PARD3: variants seen among roughly 807,000 people sequenced by gnomAD.
PARD3 encodes the protein partitioning defective 3 homolog.
PARD3 carries 75 observed loss-of-function variants against 155.4 expected under a neutral mutation model. That is an observed-to-expected ratio of 0.48 (90% CI 0.40 to 0.58). PARD3 has a LOEUF of 0.58. Ranked by LOEUF, PARD3 falls within the 20% of genes least tolerant of loss-of-function variation. The pLI is 0.00. For synonymous variants in PARD3, 576 were observed against 610.5 expected (o/e 0.94, Z 0.83); for missense variants, 1,642 against 1,721.7 (o/e 0.95, Z 0.82).
chr10:34,447,972 T>C (rs1310135845), intron 5 of PARD3, among the ~76,000 whole-genome samples: 3 of 152,308 alleles, frequency 2.0e-5, no homozygotes, highest in East Asian at 3.9e-4. Context: ...GATCCAGCAA[T>C]TCTGCTTCTG....
intron 2 of PARD3, among the ~76,000 whole-genome samples, chr10:34,685,386 C>T (rs951336711): frequency 2.0e-5 from 3 of 152,128 alleles, no homozygotes; most frequent in African/African-American, 7.2e-5. Context: ...ATCCACTTCA[C>T]CTGAAGGAAG....
chr10:34,167,666 A>C (rs183153300), intron 22 of PARD3, among the ~76,000 whole-genome samples: 3 of 152,306 alleles, frequency 2.0e-5, no homozygotes, highest in Admixed American at 6.5e-5. Context: ...GAACCGAATA[A>C]AATAGAAAAA....
intron 2 of PARD3, among the ~76,000 whole-genome samples, chr10:34,677,787 T>C (rs1297645750): frequency 6.6e-6 from 1 of 152,086 alleles, no homozygotes; most frequent in Non-Finnish European, 1.5e-5. Context: ...ATCACCGTTC[T>C]AATGAAAGAC....
chr10:34,626,760 A>G lies in PARD3; in HGVS notation c.222+69558T>C, dbSNP rs189912208. Among the ~76,000 whole-genome samples, 23 of 152,336 alleles carry G rather than the reference A, an allele frequency of 1.5e-4. No individual in the cohort carries two copies. The East Asian group carries it at 1.5e-3, about 10-fold the overall frequency. ...CAAATCTAACACAGTTGCACATACT[A>G]TAATTTCAGGGCAAGCTTTCAAAAA... On this transcript the variant is annotated intron_variant, in intron 2 of 24. Coordinates refer to ENST00000374788, the MANE Select transcript of PARD3 (RefSeq NM_001184785.2).
chr10:34,384,503 A>G (rs1396536410), intron 7 of PARD3, among the ~76,000 whole-genome samples: 1 of 152,236 alleles, frequency 6.6e-6, no homozygotes, highest in African/African-American at 2.4e-5. Flanking sequence ...AGAACAAGCT[A>G]TAACACTCTC....
At chr10:34,470,819 T>C (rs763213734) in intron 3 of PARD3, among the ~76,000 whole-genome samples, 1 of 152,136 alleles carries the variant, frequency 6.6e-6, no homozygotes. Flanking sequence ...ACACAGAATC[T>C]ATATAGTTAA....
At chr10:34,336,468 G>A in intron 17 of PARD3, 1 of 479,806 alleles carries the variant, frequency 2.1e-6, no homozygotes, top group Non-Finnish European at 3.7e-6. Context: ...TGTGTTATAT[G>A]TTAGCATATC....
intron 1 of PARD3, among the ~76,000 whole-genome samples, chr10:34,784,096 G>A (rs776169539): frequency 5.3e-5 from 8 of 151,934 alleles, no homozygotes; most frequent in East Asian, 1.9e-4. Context: ...CTGTAGTCCC[G>A]GCTACTTGGG....
At position 34,798,348 on chromosome 10, in the gene PARD3, A is replaced by G. The variant is rs117909281; in HGVS notation, c.120+16528T>C. Among the ~76,000 whole-genome samples, 114 of 151,622 alleles carry G rather than the reference A, an allele frequency of 7.5e-4. 1 individual carries two copies. The East Asian group carries it at 0.02, about 27-fold the overall frequency. ...AAAACCCTGTCCCGTGAAGAAGGAG[A>G]AGGAGAAGGAGAAAGGAGAAGAAGA... On this transcript the variant is annotated intron_variant, in intron 1 of 24. Transcript: ENST00000374788.
intron 20 of PARD3, among the ~76,000 whole-genome samples, chr10:34,293,179 A>G (rs946331233): frequency 6.6e-6 from 1 of 152,236 alleles, no homozygotes; most frequent in Non-Finnish European, 1.5e-5. Flanking sequence ...CATATAATCT[A>G]TACTTACAGC....
intron 24 of PARD3, among the ~76,000 whole-genome samples, chr10:34,118,957 A>G (rs74923808): frequency 0.02 from 3,108 of 152,300 alleles, 99 homozygotes; most frequent in African/African-American, 0.068. Context: ...AATAGTTACT[A>G]TTTCAATGTA....
intron 1 of PARD3, among the ~76,000 whole-genome samples, chr10:34,813,261 T>G (rs915354095): frequency 2.6e-5 from 4 of 152,246 alleles, no homozygotes; most frequent in African/African-American, 9.6e-5. Flanking sequence ...GACCACCCTC[T>G]TCCTATTCAG....
chr10:34,358,208 T>A (rs1839088607), intron 14 of PARD3, among the ~76,000 whole-genome samples: 1 of 152,202 alleles, frequency 6.6e-6, no homozygotes, highest in Admixed American at 6.5e-5. Context: ...TTAGCTTTTT[T>A]CAAGCTCCAA....
intron 5 of PARD3, among the ~76,000 whole-genome samples, chr10:34,442,464 G>C (rs2076514015): frequency 6.6e-6 from 1 of 152,226 alleles, no homozygotes; most frequent in Non-Finnish European, 1.5e-5. Context: ...TAGGCACTGA[G>C]GGGAGCCCCG....
chr10:34,380,592 ACTTTAC>A (rs1463012040), intron 9 of PARD3, among the ~76,000 whole-genome samples: 3 of 152,206 alleles, frequency 2.0e-5, no homozygotes, highest in African/African-American at 4.8e-5. Flanking sequence ...TCTGTTTAAT[ACTTTAC>A]CTTTATCTTC....
intron 2 of PARD3, among the ~76,000 whole-genome samples, chr10:34,542,239 G>GTGCA (rs1406115456): frequency 1.4e-5 from 2 of 144,232 alleles, no homozygotes; most frequent in South Asian, 2.3e-4. Context: ...GTGTGTGTGT[G>GTGCA]CACACACACA....
intron 5 of PARD3, among the ~76,000 whole-genome samples, chr10:34,447,965 C>T (rs1406491269): frequency 6.6e-6 from 1 of 152,094 alleles, no homozygotes; most frequent in African/African-American, 2.4e-5. Context: ...ACCATATGAT[C>T]CAGCAATTCT....
chr10:34,503,516 G>A (rs951735592), intron 3 of PARD3, among the ~76,000 whole-genome samples: 1 of 152,054 alleles, frequency 6.6e-6, no homozygotes, highest in African/African-American at 2.4e-5. Context: ...TCAGCTCTGT[G>A]TGTGCCTACG....
chr10:34,236,238 G>A (rs1953225350), intron 22 of PARD3, among the ~76,000 whole-genome samples: 1 of 152,150 alleles, frequency 6.6e-6, no homozygotes. Flanking sequence ...TGTCTGTCCA[G>A]TGATATCCAT....
Sources: allele counts gnomAD v4.1 joint callset (sites outside exome capture counted in the v4.1 genomes callset), GRCh38; gene constraint gnomAD v4.1.1; transcripts MANE v1.5; gene names NCBI Gene and HGNC (gene_info 2026-07-23, HGNC 2026-07-21).